PITPNM2: variants seen among roughly 807,000 people sequenced by gnomAD.
The protein encoded by PITPNM2 is phosphatidylinositol transfer protein membrane associated 2, also known as membrane-associated phosphatidylinositol transfer protein 2.
PITPNM2 carries 35 observed loss-of-function variants against 132.2 expected under a neutral mutation model. The observed-to-expected ratio is 0.26, with a 90% CI of 0.20 to 0.35. The LOEUF (loss-of-function observed/expected upper bound fraction) is 0.35, where lower values mean the gene tolerates loss of function less well. Ranked by LOEUF, PITPNM2 falls within the 10% of genes least tolerant of loss-of-function variation. PITPNM2 has a pLI of 1.00. For missense variants in PITPNM2, 1,332 were observed against 1,912.0 expected, an observed-to-expected ratio of 0.70 and a Z score of 5.66; for synonymous variants, 738 against 799.2, an observed-to-expected ratio of 0.92 and a Z score of 1.29.
At chr12:122,990,246 A>G (rs1465839808) in intron 17 of PITPNM2, among the ~76,000 whole-genome samples, 2 of 152,264 alleles carry the variant, frequency 1.3e-5, no homozygotes, top group African/African-American at 4.8e-5. Flanking sequence ...TTCATGCAGG[A>G]GCTAAGCATG....
At position 123,111,661 on chromosome 12, in the gene PITPNM2, G is replaced by A. The variant is rs1047680750; in HGVS notation, c.-199-1173C>T. On this transcript the variant is annotated intron_variant, in intron 1 of 25. Coordinates refer to ENST00000320201, the MANE Select transcript of PITPNM2 (RefSeq NM_020845.3). This position sits in a 1 kb window ranked among gnomAD's most constrained non-coding sequence, Gnocchi z 4.1. ...CACCGCGTCCTGCATGCCCACCCCC[G>A]TGCAGGCTCCTCTGTGGGACTGAGG... is the stretch of plus-strand genomic sequence containing the variant. Among the ~76,000 whole-genome samples, 3 of 152,178 alleles carry A rather than the reference G, an allele frequency of 2.0e-5. No individual in the cohort carries two copies. The highest frequency in any genetic ancestry group is 7.2e-5 in the African/African-American group (3 of 41,432).
intron 3 of PITPNM2, among the ~76,000 whole-genome samples, chr12:123,027,140 G>C (rs1037362097): frequency 6.6e-6 from 1 of 151,978 alleles, no homozygotes; most frequent in Admixed American, 6.6e-5. Context: ...CTCATCTCTC[G>C]GTGGGGCAGG....
chr12:123,026,554 G>A (rs1391541884), intron 3 of PITPNM2, among the ~76,000 whole-genome samples: 2 of 152,238 alleles, frequency 1.3e-5, no homozygotes, highest in African/African-American at 4.8e-5. Context: ...TAAGACAGGG[G>A]GTCCAGAGCT....
intron 1 of PITPNM2, among the ~76,000 whole-genome samples, chr12:123,138,184 C>G (rs1611973): frequency 0.55 from 83,011 of 152,018 alleles, 27,224 homozygotes; most frequent in Non-Finnish European, 0.71. Flanking sequence ...CAATGGTTCA[C>G]GCCTGTAATC....
intron 2 of PITPNM2, among the ~76,000 whole-genome samples, chr12:123,073,450 G>C (rs1431556235): frequency 6.6e-6 from 1 of 152,136 alleles, no homozygotes; most frequent in East Asian, 1.9e-4. Flanking sequence ...CGCCTACACA[G>C]GTGGTTCATC....
chr12:122,996,589 G>A lies in PITPNM2; in HGVS notation c.1663-12C>T. On this transcript the variant is annotated splice_polypyrimidine_tract_variant and intron_variant, in intron 12 of 25. Coordinates refer to ENST00000320201, the MANE Select transcript of PITPNM2 (RefSeq NM_020845.3). ...CCAATCAGGCAGACCTTGGGAGAGA[G>A]GGGCCAGAGGCCTGAGCCATTCACC... 6.2e-7 allele frequency: 1 copy of A among 1,613,060 alleles called. No individual in the cohort carries two copies. Among genetic ancestry groups the A allele is most frequent in the Non-Finnish European group, 8.5e-7 (1 of 1,179,978 alleles).
At position 123,102,305 on chromosome 12, in the gene PITPNM2, G is replaced by A. The variant is rs547214791; in HGVS notation, c.-96+8080C>T. Reference sequence around the variant, plus strand: ...GCTTCCTTACTGTCTCCGCATCCTCGTCCAGCCTCAGAAGAAAACACTAAG... The same window carrying A: ...GCTTCCTTACTGTCTCCGCATCCTCATCCAGCCTCAGAAGAAAACACTAAG... On this transcript the variant is annotated intron_variant, in intron 2 of 25. Coordinates refer to ENST00000320201, the MANE Select transcript of PITPNM2 (RefSeq NM_020845.3). Among the ~76,000 whole-genome samples the A allele has an allele frequency of 5.9e-5, 9 of 152,298 alleles. No homozygotes were observed. The East Asian group carries it at 7.7e-4, about 13-fold the overall frequency.
intron 8 of PITPNM2, among the ~76,000 whole-genome samples, chr12:123,003,541 CT>C (rs761690003): frequency 6.6e-6 from 1 of 152,208 alleles, no homozygotes; most frequent in East Asian, 1.9e-4. Context: ...AACCAGGCAC[CT>C]TTCTTCTGCC....
intron 1 of PITPNM2, among the ~76,000 whole-genome samples, chr12:123,125,994 G>T (rs1054256954): frequency 7.5e-6 from 1 of 132,786 alleles, no homozygotes; most frequent in Non-Finnish European, 1.5e-5. Flanking sequence ...CTCAGCCTCC[G>T]GAGTAGCTGG....
intron 3 of PITPNM2, 129 bp downstream of exon 3, chr12:123,034,384 C>T (rs2040201263): frequency 9.5e-6 from 8 of 843,086 alleles, no homozygotes; most frequent in Non-Finnish European, 1.5e-5. Flanking sequence ...GCACAATTCA[C>T]ACTTACCAGG....
chr12:123,014,160 G>A, intron 3 of PITPNM2, 118 bp from the exon 4 acceptor site: 2 of 1,070,300 alleles, frequency 1.9e-6, no homozygotes, highest in Non-Finnish European at 2.7e-6. Context: ...GGTCAACGAG[G>A]CTGGCTCCTC....
intron 2 of PITPNM2, among the ~76,000 whole-genome samples, chr12:123,079,350 C>CTTTTTTTTTTTTTTT (rs139205213): frequency 1.1e-4 from 6 of 53,792 alleles, no homozygotes; most frequent in African/African-American, 1.9e-4. Flanking sequence ...TTTTTCTTTT[C>CTTTTTTTTTTTTTTT]TTTTTTTTTT....
rs949501230 is a variant in PITPNM2, at chr12:123,012,523, C to T, written c.415+90G>A. 28 of 1,505,958 alleles carry T rather than the reference C, an allele frequency of 1.9e-5. No homozygotes were observed. The African/African-American group carries it at 2.9e-4, about 16-fold the overall frequency. 93.3% of individuals were successfully genotyped at this position (1,505,958 alleles called of 1,614,324 possible). Reference sequence around the variant, plus strand: ...AGGACAGGGCCAGGTCTGGAGTCTACCAGGTGTGGGGAAAAGGGGCAGGAC... The same window carrying T: ...AGGACAGGGCCAGGTCTGGAGTCTATCAGGTGTGGGGAAAAGGGGCAGGAC... On this transcript the variant is annotated intron_variant, in intron 5 of 25. Transcript: ENST00000320201.
intron 2 of PITPNM2, among the ~76,000 whole-genome samples, chr12:123,053,802 A>G (rs2136680136): frequency 6.6e-6 from 1 of 152,266 alleles, no homozygotes; most frequent in South Asian, 2.1e-4. Flanking sequence ...TCCTGACCTC[A>G]GGTGATCTGC....
chr12:123,065,046 G>A (rs574981796), intron 2 of PITPNM2, among the ~76,000 whole-genome samples: 1 of 152,332 alleles, frequency 6.6e-6, no homozygotes, highest in South Asian at 2.1e-4. Context: ...GGACAGCTGA[G>A]CTACAGCCCC....
rs906673722 is a variant in PITPNM2, at chr12:123,100,781, ATTC to A, written c.-96+9601_-96+9603del. ...GAAATGTCCGGAAAAGGCATTAGCCATTCTTCTTCTCTATGAGAAAAGACTGAG... is the reference window on the plus strand; with the variant it reads ...GAAATGTCCGGAAAAGGCATTAGCCATTCTTCTCTATGAGAAAAGACTGAG... On this transcript the variant is annotated intron_variant, in intron 2 of 25. Transcript: ENST00000320201. Among the ~76,000 whole-genome samples, 8 of 152,244 alleles carry A rather than the reference ATTC, an allele frequency of 5.3e-5. No homozygotes were observed. In the East Asian group the frequency reaches 5.8e-4, roughly 11 times the overall value.
At chr12:123,013,783 T>C (rs746911108) in intron 4 of PITPNM2, 45 bp downstream of exon 4, 15 of 1,586,354 alleles carry the variant, frequency 9.5e-6, no homozygotes, top group Non-Finnish European at 1.3e-5. Flanking sequence ...TCCCGCCAGA[T>C]GGCATGTGGA....
chr12:123,088,857 CT>C (rs2042185484), intron 2 of PITPNM2: 1 of 152,326 alleles, frequency 6.6e-6, no homozygotes, highest in Non-Finnish European at 1.5e-5. Flanking sequence ...CCCAGGGAAC[CT>C]TGTGTATGTC....
intron 1 of PITPNM2, among the ~76,000 whole-genome samples, chr12:123,128,293 A>G: frequency 7.2e-6 from 1 of 139,136 alleles, no homozygotes; most frequent in African/African-American, 2.8e-5. Flanking sequence ...AAAAAAAAAA[A>G]AAAAAAAAAA....
Sources: allele counts gnomAD v4.1 joint callset (sites outside exome capture counted in the v4.1 genomes callset), GRCh38; gene constraint gnomAD v4.1.1; non-coding constraint Gnocchi (gnomAD v3.1); transcripts MANE v1.5; gene names NCBI Gene and HGNC (gene_info 2026-07-23, HGNC 2026-07-21).